Variants in SORCS2 observed in about 807,000 individuals in gnomAD.
The protein encoded by SORCS2 is sortilin related VPS10 domain containing receptor 2, also known as VPS10 domain-containing receptor SorCS2.
SORCS2 carries 100 observed loss-of-function variants against 141.6 expected under a neutral mutation model. That is an observed-to-expected ratio of 0.71 (90% CI 0.60 to 0.83). The LOEUF (loss-of-function observed/expected upper bound fraction) is 0.83, where lower values mean the gene tolerates loss of function less well. Ranked by LOEUF, SORCS2 falls within the 40% of genes least tolerant of loss-of-function variation. The probability of loss-of-function intolerance (pLI) is 0.00; values close to 1 mark genes in which losing one functional copy is unlikely to be tolerated. For missense variants in SORCS2, 1,646 were observed against 1,560.2 expected, an observed-to-expected ratio of 1.05 and a Z score of -0.93; for synonymous variants, 789 against 676.9, an observed-to-expected ratio of 1.17 and a Z score of -2.57.
chr4:7,302,769 A>G (rs56298604), intron 1 of SORCS2, among the ~76,000 whole-genome samples: 43,038 of 145,762 alleles, frequency 0.3, 6,631 homozygotes, highest in South Asian at 0.46. Flanking sequence ...CAGTCCACAT[A>G]TGTGTGTGTG....
At chr4:7,506,336 T>C (rs952929701) in intron 2 of SORCS2, among the ~76,000 whole-genome samples, 1 of 152,224 alleles carries the variant, frequency 6.6e-6, no homozygotes, top group African/African-American at 2.4e-5. Context: ...CCATTTGGCA[T>C]GGTTATATTT....
intron 3 of SORCS2, among the ~76,000 whole-genome samples, chr4:7,630,148 G>A (rs11723630): frequency 0.25 from 37,976 of 151,992 alleles, 6,231 homozygotes; most frequent in East Asian, 0.74. Flanking sequence ...TTGTTCATAC[G>A]CAGACTGTGA....
At chr4:7,504,735 G>T (rs1047877574) in intron 2 of SORCS2, among the ~76,000 whole-genome samples, 3 of 152,196 alleles carry the variant, frequency 2.0e-5, no homozygotes, top group African/African-American at 7.2e-5. Context: ...CTTGAACACG[G>T]GGACCGCATT....
At chr4:7,567,379 A>G (rs1313665407) in intron 3 of SORCS2, among the ~76,000 whole-genome samples, 1 of 146,920 alleles carries the variant, frequency 6.8e-6, no homozygotes, top group African/African-American at 2.6e-5. Context: ...TGGCTGTGAC[A>G]GTTTCTCAGA....
intron 1 of SORCS2, among the ~76,000 whole-genome samples, chr4:7,293,641 T>G (rs1183751211): frequency 1.3e-5 from 2 of 152,212 alleles, no homozygotes; most frequent in African/African-American, 4.8e-5. Context: ...TGTTGCTTTC[T>G]GTAGGCAGGG....
intron 2 of SORCS2, among the ~76,000 whole-genome samples, chr4:7,464,942 G>C (rs1055675935): frequency 6.6e-6 from 1 of 152,226 alleles, no homozygotes; most frequent in Non-Finnish European, 1.5e-5. Flanking sequence ...CGGCCTCCAC[G>C]GCGGCTCCTC....
intron 2 of SORCS2, among the ~76,000 whole-genome samples, chr4:7,469,160 T>G (rs1436676461): frequency 6.6e-6 from 1 of 151,562 alleles, no homozygotes; most frequent in Non-Finnish European, 1.5e-5. Flanking sequence ...ATGATGGTGG[T>G]GATGGTCCTG....
intron 2 of SORCS2, among the ~76,000 whole-genome samples, chr4:7,493,282 G>A (rs563776587): frequency 1.3e-5 from 2 of 152,340 alleles, no homozygotes; most frequent in African/African-American, 2.4e-5. Context: ...GTTTAGTGGA[G>A]TTTAGAAAAT....
chr4:7,655,010 G>A (rs1431715240), intron 5 of SORCS2, among the ~76,000 whole-genome samples: 1 of 152,202 alleles, frequency 6.6e-6, no homozygotes, highest in African/African-American at 2.4e-5. Flanking sequence ...GCATCTATGA[G>A]GGCTGTGGAG....
intron 1 of SORCS2, among the ~76,000 whole-genome samples, chr4:7,281,919 C>T (rs1715912136): frequency 6.6e-6 from 1 of 152,188 alleles, no homozygotes; most frequent in Admixed American, 6.5e-5. Flanking sequence ...ACATGGTGGC[C>T]ATCTTGCACT....
intron 1 of SORCS2, among the ~76,000 whole-genome samples, chr4:7,196,693 C>T (rs891297963): frequency 6.7e-6 from 1 of 148,982 alleles, no homozygotes. Flanking sequence ...GCTGCGCCTA[C>T]ATGGTTAGTG....
chr4:7,547,937 C>T (rs955325140), intron 3 of SORCS2, among the ~76,000 whole-genome samples: 3 of 152,226 alleles, frequency 2.0e-5, no homozygotes, highest in Non-Finnish European at 4.4e-5. Flanking sequence ...CTCAACATGC[C>T]ACGGCCCACA....
At chr4:7,667,083 G>A in intron 7 of SORCS2, 41 bp from the exon 8 acceptor site, 3 of 1,537,386 alleles carry the variant, frequency 2.0e-6, no homozygotes, top group Non-Finnish European at 2.7e-6. Flanking sequence ...GGCTGGAGAG[G>A]GAATCAAGCC....
chr4:7,424,358 GCCTGGGCTC>G (rs1208238884), intron 2 of SORCS2, among the ~76,000 whole-genome samples: 2 of 152,244 alleles, frequency 1.3e-5, no homozygotes, highest in African/African-American at 2.4e-5. Flanking sequence ...TCTGTCTCCA[GCCTGGGCTC>G]TCTGGGCCTG....
chr4:7,610,667 G>A (rs554509952), intron 3 of SORCS2, among the ~76,000 whole-genome samples: 5 of 152,272 alleles, frequency 3.3e-5, no homozygotes, highest in African/African-American at 1.2e-4. Context: ...GTTTTTCTAG[G>A]CAGCAAATCT....
intron 2 of SORCS2, among the ~76,000 whole-genome samples, chr4:7,509,106 T>G (rs1222322799): frequency 6.6e-6 from 1 of 152,194 alleles, no homozygotes; most frequent in South Asian, 2.1e-4. Flanking sequence ...TACCTGCTTC[T>G]GTACATAGAA....
chr4:7,446,774 A>C (rs1229972590), intron 2 of SORCS2, among the ~76,000 whole-genome samples: 1 of 152,218 alleles, frequency 6.6e-6, no homozygotes, highest in African/African-American at 2.4e-5. Context: ...CACCAGGGGC[A>C]ATTGTACGTG....
At chr4:7,354,954 ATT>A (rs1721158228) in intron 1 of SORCS2, among the ~76,000 whole-genome samples, 2 of 152,072 alleles carry the variant, frequency 1.3e-5, no homozygotes, top group Non-Finnish European at 2.9e-5. Context: ...TCAATATTTT[ATT>A]TATCCCAATC....
At chr4:7,486,527 G>A (rs1006249323) in intron 2 of SORCS2, among the ~76,000 whole-genome samples, 3 of 152,194 alleles carry the variant, frequency 2.0e-5, no homozygotes, top group Admixed American at 1.3e-4. Context: ...CTATCTCCTT[G>A]TACCCCAGCT....
Sources: allele counts gnomAD v4.1 joint callset (sites outside exome capture counted in the v4.1 genomes callset), GRCh38; gene constraint gnomAD v4.1.1; transcripts MANE v1.5; gene names NCBI Gene and HGNC (gene_info 2026-07-23, HGNC 2026-07-21).